TMTC2: variants seen among roughly 807,000 people sequenced by gnomAD.
TMTC2 encodes protein O-mannosyl-transferase TMTC2.
TMTC2 carries 43 observed loss-of-function variants against 82.4 expected under a neutral mutation model. The observed-to-expected ratio is 0.52, with a 90% CI of 0.41 to 0.67. TMTC2 has a LOEUF of 0.67. Among genes scored for constraint, TMTC2 ranks in the 30% least tolerant of loss-of-function variants. The pLI is 0.00. For synonymous variants in TMTC2, 408 were observed against 381.9 expected (o/e 1.07, Z -0.80); for missense variants, 919 against 1,012.4 (o/e 0.91, Z 1.25).
At chr12:82,926,999 C>T (rs766670508) in intron 3 of TMTC2, among the ~76,000 whole-genome samples, 1 of 152,174 alleles carries the variant, frequency 6.6e-6, no homozygotes, top group Non-Finnish European at 1.5e-5. Context: ...TGTTTTCATG[C>T]ATAGTAACAC....
At chr12:82,975,852 G>A (rs1259241359) in intron 7 of TMTC2, among the ~76,000 whole-genome samples, 2 of 151,466 alleles carry the variant, frequency 1.3e-5, no homozygotes, top group East Asian at 3.9e-4. Flanking sequence ...GGCTAGTACA[G>A]TATTCATGCA....
chr12:82,904,971 GT>G (rs905187584), intron 3 of TMTC2, among the ~76,000 whole-genome samples: 1 of 137,332 alleles, frequency 7.3e-6, no homozygotes, highest in Non-Finnish European at 1.6e-5. Context: ...CATTCTTCAA[GT>G]TTTTTGTTTC....
intron 4 of TMTC2, among the ~76,000 whole-genome samples, chr12:82,939,742 A>T (rs183861707): frequency 1.7e-4 from 26 of 152,234 alleles, no homozygotes; most frequent in Admixed American, 2.6e-4. Flanking sequence ...CCCTGTCAAG[A>T]TCAAGTTGTT....
intron 7 of TMTC2, among the ~76,000 whole-genome samples, chr12:82,967,496 C>G (rs1878265665): frequency 6.6e-6 from 1 of 151,850 alleles, no homozygotes; most frequent in Non-Finnish European, 1.5e-5. Context: ...TCTTATTAAT[C>G]AGAAAGTATG....
At position 82,696,941 on chromosome 12, in the gene TMTC2, T is replaced by C. The variant is rs117816510; in HGVS notation, c.83+9272T>C. Reference sequence around the variant, plus strand: ...GATGCTGAGATGGCTTCTTGCCAGCTCTCTTTCTACATACATACATACGTA... The same window carrying C: ...GATGCTGAGATGGCTTCTTGCCAGCCCTCTTTCTACATACATACATACGTA... On this transcript the variant is annotated intron_variant, in intron 1 of 11. Transcript: ENST00000321196. Among the ~76,000 whole-genome samples the C allele has an allele frequency of 7.2e-3, 1,062 of 148,398 alleles. 1 individual carries two copies. Among genetic ancestry groups the C allele is most frequent in the Non-Finnish European group, 0.012 (813 of 66,796 alleles).
chr12:82,930,214 G>A (rs1424769977), intron 3 of TMTC2, among the ~76,000 whole-genome samples: 2 of 152,090 alleles, frequency 1.3e-5, no homozygotes, highest in African/African-American at 4.8e-5. Flanking sequence ...ATGTATATCT[G>A]CTTTGAGACA....
At chr12:82,693,495 T>C (rs1227791229) in intron 1 of TMTC2, among the ~76,000 whole-genome samples, 1 of 152,178 alleles carries the variant, frequency 6.6e-6, no homozygotes, top group Non-Finnish European at 1.5e-5. Flanking sequence ...TAGATTTGCC[T>C]CAACTTGTCA....
At chr12:82,822,215 G>T (rs1034497576) in intron 1 of TMTC2, among the ~76,000 whole-genome samples, 2 of 152,222 alleles carry the variant, frequency 1.3e-5, no homozygotes, top group African/African-American at 4.8e-5. Context: ...GAACTACTCT[G>T]TGTGATATGT....
At chr12:82,824,391 A>G (rs939013026) in intron 1 of TMTC2, among the ~76,000 whole-genome samples, 1 of 152,250 alleles carries the variant, frequency 6.6e-6, no homozygotes, top group African/African-American at 2.4e-5. Flanking sequence ...TACACCATTC[A>G]TTATAATAAT....
intron 1 of TMTC2, among the ~76,000 whole-genome samples, chr12:82,714,882 G>A (rs1873819368): frequency 6.6e-6 from 1 of 152,102 alleles, no homozygotes; most frequent in Non-Finnish European, 1.5e-5. Context: ...CATAGGTAGG[G>A]TACAACTTTA....
Position 83,065,906 on chromosome 12 carries a change from C to G in TMTC2, c.2331+4075C>G, listed in dbSNP as rs553470959. 6.6e-5 allele frequency among the ~76,000 whole-genome samples: 10 copies of G among 152,022 alleles called. No homozygotes were observed. In the South Asian group the frequency reaches 2.1e-3, roughly 32 times the overall value. Reference sequence around the variant, plus strand: ...GCTTTTACTTGGCTTTTAGTAAACTCTAGAATTAGAAGAGGGTAATTACCA... The same window carrying G: ...GCTTTTACTTGGCTTTTAGTAAACTGTAGAATTAGAAGAGGGTAATTACCA... On this transcript the variant is annotated intron_variant, in intron 11 of 11. Coordinates refer to ENST00000321196, the MANE Select transcript of TMTC2 (RefSeq NM_152588.3).
intron 1 of TMTC2, among the ~76,000 whole-genome samples, chr12:82,777,837 C>T (rs1201322886): frequency 6.6e-6 from 1 of 152,030 alleles, no homozygotes; most frequent in African/African-American, 2.4e-5. Context: ...TGTTGATGTT[C>T]ATGCTTTGTT....
chr12:83,063,101 GC>G (rs1882800563), intron 11 of TMTC2, among the ~76,000 whole-genome samples: 1 of 151,730 alleles, frequency 6.6e-6, no homozygotes, highest in Non-Finnish European at 1.5e-5. Context: ...TAGACATCAT[GC>G]AGAAGTATGA....
At chr12:83,044,606 G>A (rs576001357) in intron 9 of TMTC2, among the ~76,000 whole-genome samples, 2 of 152,316 alleles carry the variant, frequency 1.3e-5, no homozygotes, top group Non-Finnish European at 2.9e-5. Context: ...GCTTGAGACA[G>A]AAAGGTATCA....
At chr12:82,945,522 G>A (rs1196002314) in intron 4 of TMTC2, among the ~76,000 whole-genome samples, 1 of 152,134 alleles carries the variant, frequency 6.6e-6, no homozygotes, top group East Asian at 1.9e-4. Context: ...CTGATTGAAA[G>A]TTACTTAAAT....
At chr12:82,762,561 TAAA>T (rs1876712058) in intron 1 of TMTC2, among the ~76,000 whole-genome samples, 1 of 152,086 alleles carries the variant, frequency 6.6e-6, no homozygotes, top group Non-Finnish European at 1.5e-5. Flanking sequence ...ATATAAGAGA[TAAA>T]GAAGAGAGAG....
At chr12:83,123,763 T>G (rs1306212434) in intron 11 of TMTC2, among the ~76,000 whole-genome samples, 1 of 152,174 alleles carries the variant, frequency 6.6e-6, no homozygotes, top group East Asian at 1.9e-4. Flanking sequence ...TTTTTTAAAG[T>G]ACCAAATTGA....
chr12:82,818,120 T>C (rs551129005), intron 1 of TMTC2, among the ~76,000 whole-genome samples: 2 of 152,252 alleles, frequency 1.3e-5, no homozygotes, highest in South Asian at 4.1e-4. Flanking sequence ...TTTTGTATTT[T>C]TGGACATGGA....
chr12:82,958,254 C>A (rs1308465845), intron 4 of TMTC2, among the ~76,000 whole-genome samples: 1 of 150,620 alleles, frequency 6.6e-6, no homozygotes. Flanking sequence ...GCCCCAGCTA[C>A]TGAGGCAGGA....
Sources: gnomAD v4.1 joint callset for allele counts (sites outside exome capture counted in the v4.1 genomes callset) on GRCh38, gnomAD v4.1.1 for gene constraint, MANE v1.5 for transcripts, NCBI Gene and HGNC (gene_info 2026-07-23, HGNC 2026-07-21) for gene names.